Variants in BMP6 observed in about 807,000 individuals in gnomAD.
BMP6 encodes the protein VG-1-R.
Under a neutral mutation model 54.1 loss-of-function variants are expected in BMP6, and 17 were observed. The observed-to-expected ratio is 0.31, with a 90% CI of 0.22 to 0.47. The LOEUF is 0.47. BMP6 is among the 20% of genes least tolerant of loss of function. BMP6 has a pLI of 1.00. For synonymous variants in BMP6, 328 were observed against 291.2 expected (o/e 1.13, Z -1.28); for missense variants, 720 against 690.4 (o/e 1.04, Z -0.48).
rs1757970301 is a variant in BMP6, at chr6:7,783,017, T to C, written c.664+55398T>C. Among the ~76,000 whole-genome samples the C allele has an allele frequency of 1.3e-5, 2 of 151,544 alleles. 1 individual carries two copies. The highest frequency in any genetic ancestry group is 1.3e-4 in the Admixed American group (2 of 15,202). ...TTTGGTAGAGAGATCTAGGCAAGAG[T>C]CAAATAGGAAAGGGTCAGAGTAAAA... On this transcript the variant is annotated intron_variant, in intron 1 of 6. Transcript: ENST00000283147.
chr6:7,800,148 T>C (rs1758249159), intron 1 of BMP6, among the ~76,000 whole-genome samples: 1 of 151,646 alleles, frequency 6.6e-6, no homozygotes, highest in African/African-American at 2.4e-5. Context: ...CCCTGGCATA[T>C]GATTTCTTCC....
chr6:7,809,017 T>C (rs983279223), intron 1 of BMP6, among the ~76,000 whole-genome samples: 2 of 150,634 alleles, frequency 1.3e-5, no homozygotes, highest in African/African-American at 4.9e-5. Flanking sequence ...CCTGAGCACA[T>C]GTGATCATAA....
chr6:7,754,664 C>T (rs1296026582), intron 1 of BMP6, among the ~76,000 whole-genome samples: 1 of 152,146 alleles, frequency 6.6e-6, no homozygotes. Flanking sequence ...TATGACCACT[C>T]TAGCTTTCTT....
chr6:7,748,096 G>C (rs192674653), intron 1 of BMP6, among the ~76,000 whole-genome samples: 1 of 152,336 alleles, frequency 6.6e-6, no homozygotes, highest in African/African-American at 2.4e-5. Flanking sequence ...GATCTGGGAT[G>C]CTGGCATTTG....
chr6:7,861,164 G>A (rs1759327155), intron 2 of BMP6, among the ~76,000 whole-genome samples: 1 of 149,998 alleles, frequency 6.7e-6, no homozygotes, highest in African/African-American at 2.5e-5. Context: ...TCTGTCATAA[G>A]CAGCACTAGC....
At chr6:7,735,378 C>T (rs1761938965) in intron 1 of BMP6, among the ~76,000 whole-genome samples, 1 of 152,192 alleles carries the variant, frequency 6.6e-6, no homozygotes, top group Non-Finnish European at 1.5e-5. Flanking sequence ...TAATATTAGC[C>T]TTGCTTATTC....
At position 7,762,806 on chromosome 6, in the gene BMP6, C is replaced by T. The variant is rs149496644; in HGVS notation, c.664+35187C>T. Among the ~76,000 whole-genome samples, 6 of 152,304 alleles carry T rather than the reference C, an allele frequency of 3.9e-5. No individual in the cohort carries two copies. The East Asian group carries it at 9.6e-4, about 24-fold the overall frequency. ...CATATTGATTTTCTGTCCATATTCTCGCAGTTCTTCTCCAGGGGATAGGAG... is the reference window on the plus strand; with the variant it reads ...CATATTGATTTTCTGTCCATATTCTTGCAGTTCTTCTCCAGGGGATAGGAG... On this transcript the variant is annotated intron_variant, in intron 1 of 6. Transcript: ENST00000283147.
intron 2 of BMP6, among the ~76,000 whole-genome samples, chr6:7,855,741 C>A (rs1277377621): frequency 6.6e-6 from 1 of 151,630 alleles, no homozygotes; most frequent in Non-Finnish European, 1.5e-5. Flanking sequence ...GTTGCCCAGT[C>A]TGGTCTCGAA....
intron 1 of BMP6, among the ~76,000 whole-genome samples, chr6:7,804,602 T>C (rs1386595137): frequency 2.0e-5 from 3 of 152,132 alleles, no homozygotes; most frequent in African/African-American, 4.8e-5. Context: ...TGGAAGTCTT[T>C]TTCTCTTTCC....
At chr6:7,775,741 G>C (rs1232165148) in intron 1 of BMP6, among the ~76,000 whole-genome samples, 1 of 152,144 alleles carries the variant, frequency 6.6e-6, no homozygotes, top group Non-Finnish European at 1.5e-5. Flanking sequence ...CCAGGCGTCT[G>C]GGGTCAGGTT....
chr6:7,815,008 G>A (rs1420661849), intron 1 of BMP6, among the ~76,000 whole-genome samples: 1 of 152,082 alleles, frequency 6.6e-6, no homozygotes, highest in East Asian at 1.9e-4. Context: ...TCTGTTTAGA[G>A]GATAAAATGA....
chr6:7,775,437 T>C (rs912588285), intron 1 of BMP6, among the ~76,000 whole-genome samples: 2 of 152,218 alleles, frequency 1.3e-5, no homozygotes, highest in Non-Finnish European at 2.9e-5. Flanking sequence ...GTGTTCACCA[T>C]GAGCTTGTGA....
At chr6:7,839,333 T>TG (rs1758926856) in intron 1 of BMP6, among the ~76,000 whole-genome samples, 1 of 152,188 alleles carries the variant, frequency 6.6e-6, no homozygotes, top group African/African-American at 2.4e-5. Flanking sequence ...CTGGCTGCTT[T>TG]AACAGTTTTT....
chr6:7,837,166 T>C (rs954782300), intron 1 of BMP6, among the ~76,000 whole-genome samples: 3 of 152,234 alleles, frequency 2.0e-5, no homozygotes, highest in African/African-American at 4.8e-5. Context: ...ATATGTTAAA[T>C]CGATTGCTCT....
intron 1 of BMP6, among the ~76,000 whole-genome samples, chr6:7,815,519 TGTTACTTTTGCTAA>T (rs1263259086): frequency 3.9e-5 from 6 of 152,240 alleles, no homozygotes; most frequent in African/African-American, 7.2e-5. Context: ...TAGTACCTAC[TGTTACTTTTGCTAA>T]GTTACTTTTG....
At chr6:7,770,717 A>G (rs1263043631) in intron 1 of BMP6, among the ~76,000 whole-genome samples, 1 of 152,190 alleles carries the variant, frequency 6.6e-6, no homozygotes, top group Non-Finnish European at 1.5e-5. Flanking sequence ...TTCCAGATTT[A>G]CTAACTCAGA....
intron 4 of BMP6, among the ~76,000 whole-genome samples, chr6:7,864,550 G>A (rs867664537): frequency 6.6e-6 from 1 of 152,148 alleles, no homozygotes; most frequent in African/African-American, 2.4e-5. Context: ...CATTTTTGGT[G>A]GCCAAACATG....
At chr6:7,801,469 A>G (rs945893829) in intron 1 of BMP6, among the ~76,000 whole-genome samples, 5 of 152,232 alleles carry the variant, frequency 3.3e-5, no homozygotes, top group Non-Finnish European at 7.3e-5. Flanking sequence ...CTTCTGGTCA[A>G]CATTGAGCTC....
chr6:7,793,621 GCAGA>G (rs1758145508), intron 1 of BMP6, among the ~76,000 whole-genome samples: 1 of 152,102 alleles, frequency 6.6e-6, no homozygotes, highest in Non-Finnish European at 1.5e-5. Context: ...TTGGTGGGAG[GCAGA>G]CAGGGGGCAT....
Sources: allele counts gnomAD v4.1 joint callset (sites outside exome capture counted in the v4.1 genomes callset), GRCh38; gene constraint gnomAD v4.1.1; transcripts MANE v1.5; gene names NCBI Gene and HGNC (gene_info 2026-07-23, HGNC 2026-07-21).